Variants in SULT6B1 observed in about 807,000 individuals in gnomAD.
SULT6B1 encodes the protein sulfotransferase family 6B member 1, also known as sulfotransferase 6B1.
In SULT6B1, 44 loss-of-function variants were observed where a neutral mutation model predicts 37.2. That is an observed-to-expected ratio of 1.18 (90% confidence interval 0.93 to 1.52). The LOEUF (loss-of-function observed/expected upper bound fraction) is 1.52, where lower values mean the gene tolerates loss of function less well. SULT6B1 is among the 40% of genes most tolerant of loss of function. The pLI, the probability that SULT6B1 is intolerant of heterozygous loss-of-function variation, is 0.00. For synonymous variants in SULT6B1, 140 were observed against 126.0 expected (o/e 1.11, Z -0.74); for missense variants, 450 against 361.0 (o/e 1.25, Z -2.00).
chr2:37,189,218 A>G (rs535537206), upstream of SULT6B1, among the ~76,000 whole-genome samples: 2 of 152,356 alleles, frequency 1.3e-5, no homozygotes, highest in African/African-American at 4.8e-5. Flanking sequence ...ACTCTGAGCT[A>G]ATGATAATAT....
intron 6 of SULT6B1, among the ~76,000 whole-genome samples, chr2:37,168,901 A>C (rs935202302): frequency 6.6e-6 from 1 of 152,228 alleles, no homozygotes; most frequent in Non-Finnish European, 1.5e-5. Flanking sequence ...ACGTTAATAA[A>C]GAGTTTAATG....
rs144265430 is a variant in SULT6B1 at position 37,169,681 on chromosome 2, G to C, written c.782-1616C>G. Among the ~76,000 whole-genome samples the C allele has an allele frequency of 2.8e-3, 419 of 152,230 alleles. 2 individuals are homozygous for C. Among genetic ancestry groups the C allele is most frequent in the African/African-American group, 9.7e-3 (402 of 41,554 alleles). On this transcript the variant is annotated intron_variant, in intron 6 of 6. Coordinates refer to ENST00000535679, the MANE Select transcript of SULT6B1 (RefSeq NM_001367551.1). ...AGCTAATTTTTATATTTTTGGTAGA[G>C]ACAGGGTTTCACCATCTTCGCCAGG...
At chr2:37,190,969 A>G (rs1183399920), upstream of SULT6B1, among the ~76,000 whole-genome samples, 1 of 152,094 alleles carries the variant, frequency 6.6e-6, no homozygotes, top group Non-Finnish European at 1.5e-5. Flanking sequence ...TTAGATAAAC[A>G]TGCATTGCCA....
At chr2:37,174,193 T>A (rs1360265873) in intron 5 of SULT6B1, among the ~76,000 whole-genome samples, 3 of 148,806 alleles carry the variant, frequency 2.0e-5, no homozygotes, top group African/African-American at 7.4e-5. Flanking sequence ...TCAAATCACA[T>A]CCCCTCAGTA....
At chr2:37,179,683 A>T in intron 3 of SULT6B1, 99 bp from the exon 4 acceptor site, 2 of 1,061,164 alleles carry the variant, frequency 1.9e-6, no homozygotes, top group Non-Finnish European at 2.8e-6. Context: ...CGTATATTAC[A>T]TAATTGTGTT....
At chr2:37,190,664 A>G (rs1676763234), upstream of SULT6B1, among the ~76,000 whole-genome samples, 1 of 152,210 alleles carries the variant, frequency 6.6e-6, no homozygotes, top group Non-Finnish European at 1.5e-5. Context: ...AAGATGGTGA[A>G]CTAGTGTTCT....
intron 2 of SULT6B1, among the ~76,000 whole-genome samples, chr2:37,185,990 A>G (rs75393155): frequency 0.023 from 3,540 of 151,924 alleles, 66 homozygotes; most frequent in Middle Eastern, 0.054. Flanking sequence ...TTTGTTGCCA[A>G]CCAAATCCAG....
upstream of SULT6B1, among the ~76,000 whole-genome samples, chr2:37,192,883 T>A (rs149542023): frequency 2.7e-3 from 413 of 152,336 alleles, 3 homozygotes; most frequent in Non-Finnish European, 4.2e-3. Context: ...GGTCAACCTG[T>A]TAACCTTACA....
chr2:37,176,092 C>T (rs1676421572), intron 4 of SULT6B1, among the ~76,000 whole-genome samples: 2 of 152,094 alleles, frequency 1.3e-5, no homozygotes, highest in Non-Finnish European at 2.9e-5. Flanking sequence ...AATGCAGATG[C>T]AGACACTGGT....
At chr2:37,188,332 T>A in intron 1 of SULT6B1, 110 bp downstream of exon 1, 1 of 864,946 alleles carries the variant, frequency 1.2e-6, no homozygotes, top group Non-Finnish European at 1.8e-6. Context: ...TCACTGATGC[T>A]CAGACAGATT....
upstream of SULT6B1, chr2:37,191,396 C>A (rs1676776220): frequency 6.6e-6 from 1 of 152,266 alleles, no homozygotes; most frequent in Non-Finnish European, 1.5e-5. Flanking sequence ...GGTGCCCCAG[C>A]CTGCCTATGT....
chr2:37,175,052 T>C (rs1676384259), intron 5 of SULT6B1, 80 bp downstream of exon 5: 1 of 777,212 alleles, frequency 1.3e-6, no homozygotes, highest in Non-Finnish European at 1.9e-6. Context: ...TATTTGTTTA[T>C]ACAAACAGAC....
chr2:37,189,535 T>A (rs1178272528), upstream of SULT6B1, among the ~76,000 whole-genome samples: 12 of 152,184 alleles, frequency 7.9e-5, no homozygotes, highest in Admixed American at 7.9e-4. Context: ...CACACCACTT[T>A]CCCATGATTC....
rs1558452588 is a variant in SULT6B1 at position 37,188,458 on chromosome 2, T to C, written c.183A>G (p.Ala61=). ...GTCATTTACCGCACTTTGGATAAGATGCTAGCACGATGTCATCATGTCTGG... is the reference window on the plus strand; with the variant it reads ...GTCATTTACCGCACTTTGGATAAGACGCTAGCACGATGTCATCATGTCTGG... ...FEARHDDIVL[A]SYPKCGSNWI... The change falls in exon 1 of 7, where the codon GCA becomes GCG. Residue 61 remains alanine, a synonymous_variant. Transcript: ENST00000535679. 6.2e-7 allele frequency: 1 copy of C among 1,613,790 alleles called. No individual in the cohort carries two copies. Among genetic ancestry groups the C allele is most frequent in the Non-Finnish European group, 8.5e-7 (1 of 1,179,888 alleles).
intron 3 of SULT6B1, among the ~76,000 whole-genome samples, chr2:37,180,035 A>G (rs4374352): frequency 0.3 from 44,929 of 152,172 alleles, 7,690 homozygotes; most frequent in East Asian, 0.79. Context: ...AGTACATGAC[A>G]CAGAACGTCT....
chr2:37,178,929 A>T (rs950225688), intron 4 of SULT6B1, among the ~76,000 whole-genome samples: 25 of 151,958 alleles, frequency 1.6e-4, no homozygotes, highest in African/African-American at 6.0e-4. Context: ...CTCATAGTCA[A>T]CATACGACTT....
chr2:37,192,413 T>G (rs867565031), upstream of SULT6B1, among the ~76,000 whole-genome samples: 1 of 152,198 alleles, frequency 6.6e-6, no homozygotes, highest in African/African-American at 2.4e-5. Flanking sequence ...GGTTTCATTA[T>G]GTAGGTGAAT....
chr2:37,171,708 C>G (rs1039165899), intron 5 of SULT6B1, 118 bp from the exon 6 acceptor site: 1 of 848,466 alleles, frequency 1.2e-6, no homozygotes, highest in Non-Finnish European at 1.8e-6. Flanking sequence ...TCTCATCCCC[C>G]ACTTTAAACT....
At chr2:37,180,448 G>T (rs2148292751) in intron 3 of SULT6B1, among the ~76,000 whole-genome samples, 1 of 152,306 alleles carries the variant, frequency 6.6e-6, no homozygotes, top group East Asian at 1.9e-4. Flanking sequence ...CCAACAGGGG[G>T]CAACATGGAC....
Sources: allele counts gnomAD v4.1 joint callset (sites outside exome capture counted in the v4.1 genomes callset), GRCh38; gene constraint gnomAD v4.1.1; transcripts MANE v1.5; gene names NCBI Gene and HGNC (gene_info 2026-07-23, HGNC 2026-07-21).